DST: variants seen among roughly 807,000 people sequenced by gnomAD.
DST encodes bullous pemphigoid antigen.
DST carries 253 observed loss-of-function variants against 875.2 expected under a neutral mutation model. The ratio of observed to expected loss-of-function variants is 0.29; its 90% CI spans 0.26 to 0.32. The LOEUF is 0.32. DST is among the 10% of genes least tolerant of loss of function. The pLI, the probability that DST is intolerant of heterozygous loss-of-function variation, is 1.00. For synonymous variants in DST, 3,124 were observed against 3,197.1 expected (o/e 0.98, Z 0.77); for missense variants, 8,287 against 9,111.6 (o/e 0.91, Z 3.68).
chr6:56,745,147 A>C (rs1257649503), intron 4 of DST, among the ~76,000 whole-genome samples: 2 of 152,224 alleles, frequency 1.3e-5, no homozygotes, highest in Admixed American at 6.5e-5. Flanking sequence ...AAAATTATTC[A>C]TCATTAAGAA....
At chr6:56,932,111 C>T (rs1196393025) in intron 2 of DST, among the ~76,000 whole-genome samples, 1 of 152,102 alleles carries the variant, frequency 6.6e-6, no homozygotes, top group Admixed American at 6.5e-5. Flanking sequence ...CCCATAATTC[C>T]CATGTGTTGT....
intron 53 of DST, among the ~76,000 whole-genome samples, chr6:56,571,648 C>T (rs2097783709): frequency 6.6e-6 from 1 of 152,186 alleles, no homozygotes; most frequent in Non-Finnish European, 1.5e-5. Flanking sequence ...CATATCTCAT[C>T]TACTGCTCTT....
intron 4 of DST, chr6:56,742,447 C>T: frequency 1.1e-6 from 1 of 923,542 alleles, no homozygotes; most frequent in South Asian, 1.4e-5. Flanking sequence ...TGACTAGACA[C>T]TCCTACTTGC....
intron 69 of DST, 27 bp downstream of exon 69, chr6:56,526,334 C>T: frequency 1.2e-6 from 2 of 1,610,204 alleles, no homozygotes; most frequent in East Asian, 2.2e-5. Flanking sequence ...AAATTTATTG[C>T]CTAAACAACA....
In DST at chr6:56,733,704, C is replaced by G. The variant is rs1247918917; in HGVS notation, c.687+1524G>C. The stretch of plus-strand genomic sequence containing the variant: ...CTGATAACCTTGCAAAAGATGTTTT[C>G]CTTTCAAAGCTAATTTGTTCAAAAT... On this transcript the variant is annotated intron_variant, in intron 5 of 103. Coordinates refer to ENST00000680361, the MANE Select transcript of DST (RefSeq NM_001374736.1). Among the ~76,000 whole-genome samples the G allele has an allele frequency of 4.6e-5, 7 of 152,006 alleles. No homozygotes were observed. The East Asian group carries it at 1.4e-3, about 29-fold the overall frequency.
intron 13 of DST, among the ~76,000 whole-genome samples, chr6:56,646,937 G>A (rs1050845389): frequency 2.0e-5 from 3 of 152,112 alleles, no homozygotes; most frequent in Non-Finnish European, 4.4e-5. Flanking sequence ...AAATCTTTAG[G>A]ATGACACATT....
intron 4 of DST, among the ~76,000 whole-genome samples, chr6:56,802,462 T>C (rs1456788520): frequency 6.6e-6 from 1 of 152,186 alleles, no homozygotes; most frequent in Non-Finnish European, 1.5e-5. Context: ...CTACTAGTTT[T>C]ATACATGTAT....
chr6:56,683,796 A>G (rs1434295357), intron 9 of DST, among the ~76,000 whole-genome samples: 3 of 152,236 alleles, frequency 2.0e-5, no homozygotes, highest in South Asian at 4.1e-4. Context: ...TCCGATAATA[A>G]CAGAACGCCC....
intron 3 of DST, among the ~76,000 whole-genome samples, chr6:56,886,532 T>C (rs950583343): frequency 6.6e-6 from 1 of 152,134 alleles, no homozygotes; most frequent in Non-Finnish European, 1.5e-5. Flanking sequence ...TCCCAGCATT[T>C]TGGGAGGCCG....
chr6:56,920,923 T>TTTTTTTTTTG (rs59362783), intron 2 of DST, among the ~76,000 whole-genome samples: 1 of 141,326 alleles, frequency 7.1e-6, no homozygotes, highest in Non-Finnish European at 1.5e-5. Flanking sequence ...TTTTTTTTTT[T>TTTTTTTTTTG]CACAGAGACA....
chr6:56,596,229 A>G (rs1383366139), intron 47 of DST, among the ~76,000 whole-genome samples: 1 of 151,682 alleles, frequency 6.6e-6, no homozygotes, highest in Non-Finnish European at 1.5e-5. Flanking sequence ...GGGCTTCACC[A>G]TGTTGGCCAG....
In DST at chr6:56,551,194, T is replaced by A. The variant is rs142498703; in HGVS notation, c.16608+990A>T. Among the ~76,000 whole-genome samples, 21 of 152,110 alleles carry A rather than the reference T, an allele frequency of 1.4e-4. No individual in the cohort carries two copies. The East Asian group carries it at 3.9e-3, about 28-fold the overall frequency. ...TATTAAAGACAAGCAAATGAAAGAG[T>A]TTATCAACTATAACTGCACAGAATT... is the stretch of plus-strand genomic sequence containing the variant. On this transcript the variant is annotated intron_variant, in intron 61 of 103. Transcript: ENST00000680361.
At chr6:56,678,093 T>C (rs1472664303) in intron 9 of DST, among the ~76,000 whole-genome samples, 1 of 152,246 alleles carries the variant, frequency 6.6e-6, no homozygotes, top group Non-Finnish European at 1.5e-5. Context: ...TTTTACATTG[T>C]AGGCCAGTCT....
chr6:56,766,300 G>C (rs2099633181), intron 4 of DST, among the ~76,000 whole-genome samples: 1 of 152,244 alleles, frequency 6.6e-6, no homozygotes, highest in East Asian at 1.9e-4. Context: ...TCATGAATGT[G>C]ACCACTGTTC....
intron 10 of DST, among the ~76,000 whole-genome samples, chr6:56,657,745 C>A (rs999771178): frequency 1.3e-4 from 19 of 151,974 alleles, no homozygotes; most frequent in African/African-American, 4.6e-4. Context: ...TTTTATGCAC[C>A]TTATCACAAT....
rs2098494688 is a variant in DST, at chr6:56,606,125, T to C, written c.8503A>G (p.Met2835Val). The C allele has an allele frequency of 5.6e-6, 9 of 1,612,724 alleles. No individual in the cohort carries two copies. Among genetic ancestry groups the C allele is most frequent in the Non-Finnish European group, 5.9e-6 (7 of 1,179,146 alleles). Residue 2835 changes from methionine to valine, a missense_variant, in exon 40 of 104, where the codon ATG (methionine) becomes GTG (valine). By Grantham distance (21) the Met-to-Val change is conservative. Transcript: ENST00000680361. ...ATAGAGGCACACAACTGGATATCCA[T>C]ATCTTCAGCCACATTTTGGCACCTG... is the stretch of plus-strand genomic sequence containing the variant. ...KPRCQNVAED[M>V]DIQLCASILN...
chr6:56,904,634 CCTTT>C (rs1330114485), intron 2 of DST, among the ~76,000 whole-genome samples: 1 of 152,138 alleles, frequency 6.6e-6, no homozygotes, highest in Non-Finnish European at 1.5e-5. Flanking sequence ...TGACCGTTCA[CCTTT>C]ATTTCCCTAA....
At chr6:56,527,818 G>A in intron 67 of DST, 84 bp from the exon 68 acceptor site, 3 of 1,365,308 alleles carry the variant, frequency 2.2e-6, no homozygotes, top group Non-Finnish European at 2.9e-6. Context: ...GAACACTGAT[G>A]AAATTTCCAC....
intron 49 of DST, among the ~76,000 whole-genome samples, chr6:56,589,537 G>A (rs2098230318): frequency 6.6e-6 from 1 of 152,132 alleles, no homozygotes; most frequent in Non-Finnish European, 1.5e-5. Flanking sequence ...TACACTTCTG[G>A]GCATTTGTAC....
Sources: allele counts gnomAD v4.1 joint callset (sites outside exome capture counted in the v4.1 genomes callset), GRCh38; gene constraint gnomAD v4.1.1; transcripts MANE v1.5; gene names NCBI Gene and HGNC (gene_info 2026-07-23, HGNC 2026-07-21).